NMNAT2: variants seen among roughly 807,000 people sequenced by gnomAD.
The protein encoded by NMNAT2 is nicotinamide nucleotide adenylyltransferase 2, also known as nicotinamide/nicotinic acid mononucleotide adenylyltransferase 2.
NMNAT2 carries 11 observed loss-of-function variants against 41.6 expected under a neutral mutation model. The observed-to-expected ratio is 0.26, with a 90% CI of 0.17 to 0.44. The LOEUF (loss-of-function observed/expected upper bound fraction) is 0.44. NMNAT2 is among the 20% of genes least tolerant of loss of function. The pLI, the probability that NMNAT2 is intolerant of heterozygous loss-of-function variation, is 1.00. For missense variants in NMNAT2, 288 were observed against 407.7 expected (o/e 0.71, Z 2.53); for synonymous variants, 148 against 151.2 (o/e 0.98, Z 0.16).
At chr1:183,381,089 G>A (rs1663793932) in intron 1 of NMNAT2, among the ~76,000 whole-genome samples, 1 of 152,154 alleles carries the variant, frequency 6.6e-6, no homozygotes, top group South Asian at 2.1e-4. Flanking sequence ...GGAGAGATGG[G>A]ATGAGCTGCA....
At position 183,290,189 on chromosome 1, in the gene NMNAT2, C is replaced by T. The variant is rs867177204; in HGVS notation, c.260G>A (p.Cys87Tyr). 1 of 1,585,194 alleles carries T rather than the reference C, an allele frequency of 6.3e-7. No homozygotes were observed. Among genetic ancestry groups the T allele is most frequent in the Non-Finnish European group, 8.6e-7 (1 of 1,164,246 alleles). The change falls in exon 4 of 11, where the codon TGC becomes TAC. Residue 87 changes from cysteine to tyrosine, a missense_variant. Coordinates refer to ENST00000287713, the MANE Select transcript of NMNAT2 (RefSeq NM_015039.4). ...SDWIRVDPWECYQDTWQTTCS... is the reference protein window; with the variant it reads ...SDWIRVDPWEYYQDTWQTTCS... ...GGTCGTCTGCCAGGTGTCCTGGTAG[C>T]ACTCCCAAGGGTCCACCCTAACATC... is the stretch of plus-strand genomic sequence containing the variant.
At chr1:183,276,283 C>T (rs1411439427) in intron 8 of NMNAT2, among the ~76,000 whole-genome samples, 1 of 152,148 alleles carries the variant, frequency 6.6e-6, no homozygotes, top group Non-Finnish European at 1.5e-5. Flanking sequence ...CTGTCACATC[C>T]CTGGTAAATC....
At position 183,399,724 on chromosome 1, in the gene NMNAT2, T is replaced by G. The variant is rs187147551; in HGVS notation, c.85+18459A>C. Among the ~76,000 whole-genome samples the G allele has an allele frequency of 4.1e-3, 619 of 152,252 alleles. 4 individuals are homozygous for G. The highest frequency in any genetic ancestry group is 0.013 in the African/African-American group (536 of 41,550). ...AAAAGCTTATCCACCATGATCAAGT[T>G]GGCTTCATCCCTGGGATGCAAGGCT... On this transcript the variant is annotated intron_variant, in intron 1 of 10. Coordinates refer to ENST00000287713, the MANE Select transcript of NMNAT2 (RefSeq NM_015039.4).
intron 1 of NMNAT2, among the ~76,000 whole-genome samples, chr1:183,410,349 A>G (rs1276788944): frequency 6.6e-6 from 1 of 151,930 alleles, no homozygotes; most frequent in Non-Finnish European, 1.5e-5. Flanking sequence ...TAAAAAATAA[A>G]TAAATAAAAT....
At chr1:183,309,569 A>C (rs889648237) in intron 1 of NMNAT2, among the ~76,000 whole-genome samples, 4 of 152,228 alleles carry the variant, frequency 2.6e-5, no homozygotes, top group Admixed American at 2.6e-4. Context: ...GTGGAGAGTA[A>C]TATTATACTA....
chr1:183,406,124 G>A (rs1330727345), intron 1 of NMNAT2, among the ~76,000 whole-genome samples: 1 of 152,176 alleles, frequency 6.6e-6, no homozygotes, highest in Non-Finnish European at 1.5e-5. Flanking sequence ...TACTTGCTAT[G>A]CTAAGTTCAA....
intron 1 of NMNAT2, among the ~76,000 whole-genome samples, chr1:183,393,065 G>A (rs1648528011): frequency 6.6e-6 from 1 of 152,132 alleles, no homozygotes; most frequent in Admixed American, 6.5e-5. Flanking sequence ...TGGTGTCGGT[G>A]AGCAAACTCA....
chr1:183,378,498 C>A (rs1207941597), intron 1 of NMNAT2, among the ~76,000 whole-genome samples: 2 of 149,972 alleles, frequency 1.3e-5, no homozygotes, highest in Admixed American at 6.6e-5. Context: ...GAGGTTGCAG[C>A]GAGCCAAGAT....
intron 1 of NMNAT2, among the ~76,000 whole-genome samples, chr1:183,374,870 AC>A (rs961622403): frequency 6.6e-6 from 1 of 152,158 alleles, no homozygotes; most frequent in Non-Finnish European, 1.5e-5. Context: ...AGTCAGACTG[AC>A]CTTGGAACAA....
intron 1 of NMNAT2, among the ~76,000 whole-genome samples, chr1:183,311,024 C>G (rs1041977185): frequency 6.6e-6 from 1 of 152,158 alleles, no homozygotes; most frequent in African/African-American, 2.4e-5. Flanking sequence ...CCTAAGGTTC[C>G]CGCTCACCCT....
chr1:183,412,514 T>C (rs1649147758), intron 1 of NMNAT2, among the ~76,000 whole-genome samples: 1 of 152,226 alleles, frequency 6.6e-6, no homozygotes, highest in African/African-American at 2.4e-5. Context: ...TGAGCCACCA[T>C]GCCCGGCCAA....
At chr1:183,334,239 G>A (rs1312829470) in intron 1 of NMNAT2, among the ~76,000 whole-genome samples, 1 of 152,124 alleles carries the variant, frequency 6.6e-6, no homozygotes, top group African/African-American at 2.4e-5. Flanking sequence ...ACTAACTGCT[G>A]TATTTTTAGT....
At chr1:183,314,815 A>G (rs636315) in intron 1 of NMNAT2, among the ~76,000 whole-genome samples, 110,881 of 151,934 alleles carry the variant, frequency 0.73, 40,684 homozygotes, top group East Asian at 0.92. Context: ...GGAGTTTGAA[A>G]TTACAGTAAG....
intron 1 of NMNAT2, among the ~76,000 whole-genome samples, chr1:183,343,977 A>G (rs1488129232): frequency 6.6e-6 from 1 of 152,032 alleles, no homozygotes; most frequent in Admixed American, 6.6e-5. Flanking sequence ...TAATTCTCCA[A>G]ATGAGTCACA....
At chr1:183,278,390 G>C (rs1238278306) in intron 8 of NMNAT2, among the ~76,000 whole-genome samples, 163 bp downstream of exon 8, 1 of 152,166 alleles carries the variant, frequency 6.6e-6, no homozygotes, top group Non-Finnish European at 1.5e-5. Flanking sequence ...AATGCAGTAG[G>C]AGATAAAGCT....
rs373054424 is a variant in NMNAT2, at chr1:183,399,646, C to T, written c.85+18537G>A. Reference sequence around the variant, plus strand: ...TTAGACCAATATCCCTGATGAACATCGATGCAAAAATCCTCAATAAAATAC... The same window carrying T: ...TTAGACCAATATCCCTGATGAACATTGATGCAAAAATCCTCAATAAAATAC... On this transcript the variant is annotated intron_variant, in intron 1 of 10. Transcript: ENST00000287713. Among the ~76,000 whole-genome samples, 69 of 152,222 alleles carry T rather than the reference C, an allele frequency of 4.5e-4. 1 individual carries two copies. In the East Asian group the frequency reaches 0.012, roughly 26 times the overall value.
At chr1:183,374,284 GAATC>G in intron 1 of NMNAT2, among the ~76,000 whole-genome samples, 1 of 119,152 alleles carries the variant, frequency 8.4e-6, no homozygotes, top group Admixed American at 9.1e-5. Context: ...TAGACTTCAG[GAATC>G]TGCTTGCACC....
At chr1:183,383,908 C>T (rs1476678261) in intron 1 of NMNAT2, among the ~76,000 whole-genome samples, 1 of 152,224 alleles carries the variant, frequency 6.6e-6, no homozygotes, top group African/African-American at 2.4e-5. Flanking sequence ...TCAGACTTTG[C>T]CTGTTGCCCA....
At chr1:183,329,909 C>T (rs1411296984) in intron 1 of NMNAT2, among the ~76,000 whole-genome samples, 5 of 152,172 alleles carry the variant, frequency 3.3e-5, no homozygotes, top group Non-Finnish European at 7.3e-5. Context: ...AGCCAGATAG[C>T]GGCACAACCC....
Sources: gnomAD v4.1 joint callset for allele counts (sites outside exome capture counted in the v4.1 genomes callset) on GRCh38, gnomAD v4.1.1 for gene constraint, MANE v1.5 for transcripts, NCBI Gene and HGNC (gene_info 2026-07-23, HGNC 2026-07-21) for gene names.